The following USP10 variants were observed in gnomAD, a reference collection of about 807,000 sequenced individuals.
USP10 encodes ubiquitin carboxyl-terminal hydrolase 10.
Under a neutral mutation model 84.5 loss-of-function variants are expected in USP10, and 22 were observed. The ratio of observed to expected loss-of-function variants is 0.26; its 90% CI spans 0.19 to 0.37. The LOEUF is 0.37. USP10 is among the 10% of genes least tolerant of loss of function. USP10 has a pLI of 1.00. For synonymous variants in USP10, 454 were observed against 387.6 expected, an observed-to-expected ratio of 1.17 and a Z score of -2.01; for missense variants, 1,019 against 998.9, an observed-to-expected ratio of 1.02 and a Z score of -0.27.
chr16:84,748,594 G>A (rs1485072096), intron 4 of USP10, among the ~76,000 whole-genome samples: 10 of 152,094 alleles, frequency 6.6e-5, no homozygotes, highest in Non-Finnish European at 1.2e-4. Context: ...GTGAGCCACC[G>A]CGCCCAGCTG....
chr16:84,769,681 C>T (rs372939681), intron 11 of USP10, among the ~76,000 whole-genome samples: 1 of 152,158 alleles, frequency 6.6e-6, no homozygotes, highest in Non-Finnish European at 1.5e-5. Flanking sequence ...TATGCTGTTT[C>T]TTGAGCCAGC....
chr16:84,732,579 C>T (rs750130516), intron 1 of USP10: 5 of 334,694 alleles, frequency 1.5e-5, no homozygotes, highest in East Asian at 2.2e-4. Context: ...CCCGAGCAGC[C>T]GGGACTACAG....
intron 1 of USP10, among the ~76,000 whole-genome samples, chr16:84,725,829 G>C (rs1188718453): frequency 6.6e-6 from 1 of 152,180 alleles, no homozygotes; most frequent in African/African-American, 2.4e-5. Flanking sequence ...ATGAGATTAA[G>C]GCTTTAATCA....
In USP10 at chr16:84,740,325, G is replaced by A; in HGVS notation, c.107G>A (p.Gly36Glu). The A allele has an allele frequency of 1.9e-6, 3 of 1,612,428 alleles. No individual in the cohort carries two copies. The highest frequency in any genetic ancestry group is 2.5e-6 in the Non-Finnish European group (3 of 1,179,070). Residue 36 changes from glycine to glutamate, a missense_variant, in exon 3 of 14, where the codon GGA (glycine) becomes GAA (glutamate). Gly to Glu is a moderately conservative substitution (Grantham distance 98). Around this residue, in one of 2 missense-constraint regions of USP10, gnomAD observed 787 missense variants for 708.8 expected, o/e 1.11. Transcript: ENST00000219473. ...CTTGTGCAGCTTCCTCCATACAGTG[G>A]AACAGTTCTGTGTGGCACACAGGCT... ...RSSVELPPYS[G>E]TVLCGTQAVD...
chr16:84,762,438 C>G (rs560761841), intron 8 of USP10, among the ~76,000 whole-genome samples: 1 of 152,208 alleles, frequency 6.6e-6, no homozygotes, highest in East Asian at 1.9e-4. Flanking sequence ...TGCCTGTAAT[C>G]CCAGCACTTT....
intron 1 of USP10, among the ~76,000 whole-genome samples, chr16:84,702,606 A>G (rs1490022065): frequency 2.6e-5 from 4 of 152,204 alleles, no homozygotes; most frequent in Non-Finnish European, 5.9e-5. Context: ...TGTTGGGAAT[A>G]ACAACTGCAA....
rs149164354 is a variant in USP10, at chr16:84,745,881, G to A, written c.1192+208G>A. Among the ~76,000 whole-genome samples the A allele has an allele frequency of 3.5e-3, 527 of 152,358 alleles. 4 individuals are homozygous for A. Among genetic ancestry groups the A allele is most frequent in the Middle Eastern group, 0.014 (4 of 294 alleles). ...GAGGGTTGTCGTAACTTTATGTTAA[G>A]TGAAAGATCCATGTCTGTTAGCAGT... On this transcript the variant is annotated intron_variant, in intron 4 of 13. Coordinates refer to ENST00000219473, the MANE Select transcript of USP10 (RefSeq NM_005153.3).
Position 84,729,495 on chromosome 16 carries a change from G to T in USP10, c.22-3940G>T, listed in dbSNP as rs552469668. 2.0e-5 allele frequency among the ~76,000 whole-genome samples: 3 copies of T among 152,268 alleles called. No homozygotes were observed. The East Asian group carries it at 5.8e-4, about 29-fold the overall frequency. Reference sequence around the variant, plus strand: ...TAAGTTATATTTGTATTGACACATAGGAAAAAGATACATGTAGTTTATCTG... The same window carrying T: ...TAAGTTATATTTGTATTGACACATATGAAAAAGATACATGTAGTTTATCTG... On this transcript the variant is annotated intron_variant, in intron 1 of 13. Coordinates refer to ENST00000219473, the MANE Select transcript of USP10 (RefSeq NM_005153.3).
intron 4 of USP10, among the ~76,000 whole-genome samples, chr16:84,757,282 C>T (rs1912655713): frequency 6.6e-6 from 1 of 152,154 alleles, no homozygotes; most frequent in Non-Finnish European, 1.5e-5. Context: ...ACAGATTCCA[C>T]AGAATCTGTA....
intron 1 of USP10, among the ~76,000 whole-genome samples, chr16:84,719,090 C>A (rs941027258): frequency 2.0e-5 from 3 of 152,092 alleles, no homozygotes; most frequent in Non-Finnish European, 4.4e-5. Context: ...CCGCGCCCGG[C>A]CAGTTTAGTT....
chr16:84,725,800 A>G (rs1908391686), intron 1 of USP10, among the ~76,000 whole-genome samples: 2 of 152,234 alleles, frequency 1.3e-5, no homozygotes, highest in African/African-American at 4.8e-5. Context: ...GTCTGGTCCA[A>G]CATACCTTCA....
chr16:84,765,054 G>A (rs1913697947), intron 10 of USP10, among the ~76,000 whole-genome samples: 1 of 151,146 alleles, frequency 6.6e-6, no homozygotes, highest in Admixed American at 6.6e-5. Context: ...CAGCCTGGGT[G>A]ACAGAGCAAG....
At chr16:84,742,546 A>T (rs1365521225) in intron 3 of USP10, among the ~76,000 whole-genome samples, 1 of 152,188 alleles carries the variant, frequency 6.6e-6, no homozygotes, top group Non-Finnish European at 1.5e-5. Context: ...CCTTGGAGAA[A>T]TGCTGTGTTA....
intron 1 of USP10, among the ~76,000 whole-genome samples, chr16:84,700,416 G>C (rs1904695608): frequency 6.6e-6 from 1 of 152,094 alleles, no homozygotes; most frequent in East Asian, 1.9e-4. Flanking sequence ...ACCGCGGGGC[G>C]AGCCCGGGGT....
rs1198615925 is a variant in USP10 at position 84,759,912 on chromosome 16, C to T, written c.1416C>T (p.Phe472=). 1.4e-5 allele frequency: 23 copies of T among 1,613,952 alleles called. No homozygotes were observed. The highest frequency in any genetic ancestry group is 1.9e-5 in the Non-Finnish European group (22 of 1,179,884). ...TTAGTGTTCGGCTAATGAATGAGTT[C>T]ACTAATATGCCAGTACCTCCAAAAC... ...IDSFVRLMNE[F]TNMPVPPKPR... is the part of the protein sequence containing the mutation. Residue 472 remains phenylalanine (F), a synonymous_variant, in exon 7 of 14, where the codon TTC becomes TTT. Transcript: ENST00000219473.
intron 1 of USP10, among the ~76,000 whole-genome samples, chr16:84,721,500 G>A (rs921809391): frequency 6.6e-6 from 1 of 152,134 alleles, no homozygotes; most frequent in Non-Finnish European, 1.5e-5. Context: ...TACAATAAAT[G>A]TACCCATTTT....
intron 11 of USP10, among the ~76,000 whole-genome samples, chr16:84,768,857 T>TC (rs1914136080): frequency 6.6e-6 from 1 of 152,220 alleles, no homozygotes; most frequent in African/African-American, 2.4e-5. Flanking sequence ...TTTGATTTGA[T>TC]CTGGAAAAGG....
At chr16:84,703,379 G>A (rs568131698) in intron 1 of USP10, among the ~76,000 whole-genome samples, 2 of 152,246 alleles carry the variant, frequency 1.3e-5, no homozygotes, top group Admixed American at 6.5e-5. Flanking sequence ...CATGCAGTTG[G>A]CTTCTGTCCT....
rs12924359 is a variant in USP10 at position 84,700,034 on chromosome 16, C to T, written c.-57C>T. 4.5e-6 allele frequency: 6 copies of T among 1,338,064 alleles called. No homozygotes were observed. Among genetic ancestry groups the T allele is most frequent in the Non-Finnish European group, 5.9e-6 (6 of 1,020,746 alleles). 82.9% of individuals were successfully genotyped at this position (1,338,064 alleles called of 1,614,324 possible). A position where few individuals can be genotyped will look rare whatever the true frequency, so the allele number is the denominator to read the frequency against. Reference sequence around the variant, plus strand: ...TGTGCGGGCGAGAAGATGGCGGCGGCGGGGGAAGCAGCGTGAGCAGCCGGA... The same window carrying T: ...TGTGCGGGCGAGAAGATGGCGGCGGTGGGGGAAGCAGCGTGAGCAGCCGGA... On this transcript the variant is annotated 5_prime_UTR_variant, in exon 1 of 14. Coordinates refer to ENST00000219473, the MANE Select transcript of USP10 (RefSeq NM_005153.3).
Sources: allele counts gnomAD v4.1 joint callset (sites outside exome capture counted in the v4.1 genomes callset), GRCh38; gene constraint gnomAD v4.1.1; regional missense constraint gnomAD v4.1.1; transcripts MANE v1.5; gene names NCBI Gene and HGNC (gene_info 2026-07-23, HGNC 2026-07-21).